The following LRRC7 variants were observed in gnomAD, a reference collection of about 807,000 sequenced individuals.
The protein encoded by LRRC7 is leucine rich repeat containing 7.
Under a neutral mutation model 175.7 loss-of-function variants are expected in LRRC7, and 23 were observed. The ratio of observed to expected loss-of-function variants is 0.13; its 90% CI spans 0.09 to 0.19. LRRC7 has a LOEUF of 0.19. Ranked by LOEUF, LRRC7 falls within the 10% of genes least tolerant of loss-of-function variation. The pLI, the probability that LRRC7 is intolerant of heterozygous loss-of-function variation, is 1.00. For missense variants in LRRC7, 1,354 were observed against 1,904.7 expected (o/e 0.71, Z 5.38); for synonymous variants, 685 against 680.9 (o/e 1.01, Z -0.09).
At chr1:70,075,731 T>C (rs1237809959) in intron 23 of LRRC7, among the ~76,000 whole-genome samples, 1 of 152,204 alleles carries the variant, frequency 6.6e-6, no homozygotes, top group Admixed American at 6.5e-5. Context: ...CTGGTATATT[T>C]CAAGATGAAA....
chr1:70,068,169 A>G (rs1026155127), intron 23 of LRRC7, among the ~76,000 whole-genome samples: 1 of 152,122 alleles, frequency 6.6e-6, no homozygotes, highest in East Asian at 1.9e-4. Flanking sequence ...GAGAGTGTAC[A>G]TTTACGTCTG....
chr1:69,605,013 G>A (rs889224592), intron 1 of LRRC7, among the ~76,000 whole-genome samples: 3 of 152,136 alleles, frequency 2.0e-5, no homozygotes, highest in Non-Finnish European at 4.4e-5. Context: ...GGCTGGATAG[G>A]CAGGTGTCTT....
At chr1:69,899,318 A>G (rs2101662992) in intron 7 of LRRC7, among the ~76,000 whole-genome samples, 1 of 152,342 alleles carries the variant, frequency 6.6e-6, no homozygotes, top group East Asian at 1.9e-4. Flanking sequence ...GGTTGTAACC[A>G]GACCAGCTAC....
At chr1:70,009,294 A>G (rs1489157052) in intron 11 of LRRC7, among the ~76,000 whole-genome samples, 1 of 151,260 alleles carries the variant, frequency 6.6e-6, no homozygotes, top group East Asian at 1.9e-4. Context: ...TAAAAAATTT[A>G]TTGAGTGCAT....
At chr1:70,119,735 T>G (rs976830586) in intron 26 of LRRC7, among the ~76,000 whole-genome samples, 1 of 152,022 alleles carries the variant, frequency 6.6e-6, no homozygotes, top group African/African-American at 2.4e-5. Context: ...CCTAGAAAAT[T>G]TTTTATTTCT....
chr1:69,969,828 A>T (rs184870134), intron 8 of LRRC7, among the ~76,000 whole-genome samples: 10 of 152,158 alleles, frequency 6.6e-5, no homozygotes, highest in African/African-American at 2.2e-4. Context: ...CAGAATGTAC[A>T]TTCTATTCAA....
At chr1:69,971,460 C>T (rs953881838) in intron 8 of LRRC7, among the ~76,000 whole-genome samples, 1 of 152,154 alleles carries the variant, frequency 6.6e-6, no homozygotes, top group South Asian at 2.1e-4. Flanking sequence ...AAATCAGTAG[C>T]TCTTCTATAC....
At chr1:69,710,380 A>C (rs1371498357) in intron 2 of LRRC7, among the ~76,000 whole-genome samples, 1 of 151,788 alleles carries the variant, frequency 6.6e-6, no homozygotes, top group Admixed American at 6.6e-5. Flanking sequence ...CAGAGTCTTC[A>C]CTACAGCTTC....
At chr1:69,875,916 G>T (rs1383528997) in intron 7 of LRRC7, among the ~76,000 whole-genome samples, 2 of 151,982 alleles carry the variant, frequency 1.3e-5, no homozygotes, top group Non-Finnish European at 2.9e-5. Flanking sequence ...TAAGAAGAAG[G>T]CAGTACAGTA....
rs1448852398 is a variant in LRRC7 at position 70,137,542 on chromosome 1, A to T, written c.*15655A>T. On this transcript the variant is annotated 3_prime_UTR_variant, in exon 27 of 27. Coordinates refer to ENST00000651989, the MANE Select transcript of LRRC7 (RefSeq NM_001370785.2). ...GAAAACATTAGTCTTTACTGTTAGC[A>T]AACACTCCACCACTGGGGGTTGCTT... Among the ~76,000 whole-genome samples the T allele has an allele frequency of 1.3e-5, 2 of 152,242 alleles. No homozygotes were observed. The highest frequency in any genetic ancestry group is 2.9e-5 in the Non-Finnish European group (2 of 68,042).
intron 3 of LRRC7, among the ~76,000 whole-genome samples, chr1:69,781,729 AAGAAAGAGAGAGAGAG>A (rs1217686936): frequency 6.1e-5 from 2 of 32,942 alleles, no homozygotes; most frequent in African/African-American, 3.7e-4. Flanking sequence ...GAAAGAAAGA[AAGAAAGAGAGAGAGAG>A]AGAGAGAGAG....
chr1:69,637,154 C>T (rs967646266), intron 1 of LRRC7, among the ~76,000 whole-genome samples: 4 of 151,404 alleles, frequency 2.6e-5, no homozygotes, highest in African/African-American at 9.7e-5. Flanking sequence ...AACTAAACAC[C>T]TAGATTCAGT....
intron 7 of LRRC7, among the ~76,000 whole-genome samples, chr1:69,915,283 C>T (rs1038066139): frequency 6.6e-6 from 1 of 152,132 alleles, no homozygotes; most frequent in African/African-American, 2.4e-5. Context: ...CCTAACAGGT[C>T]AGAGTTTCAA....
intron 2 of LRRC7, among the ~76,000 whole-genome samples, chr1:69,735,881 G>T (rs1268590024): frequency 6.7e-6 from 1 of 150,148 alleles, no homozygotes; most frequent in East Asian, 2.0e-4. Flanking sequence ...ACCTCTCTCT[G>T]CCTCTCTCCC....
chr1:69,838,000 G>A (rs762130752), intron 6 of LRRC7, among the ~76,000 whole-genome samples: 45 of 151,568 alleles, frequency 3.0e-4, no homozygotes, highest in Non-Finnish European at 5.9e-4. Flanking sequence ...TTTTAGTACA[G>A]ACATACAATG....
At chr1:70,094,784 G>A (rs1360077790) in intron 25 of LRRC7, among the ~76,000 whole-genome samples, 2 of 152,136 alleles carry the variant, frequency 1.3e-5, no homozygotes, top group African/African-American at 2.4e-5. Flanking sequence ...GTTCAAAAAT[G>A]CACAAGAATA....
chr1:70,134,990 AG>A lies in LRRC7; in HGVS notation c.*13104del, dbSNP rs1666807746. 6.6e-6 allele frequency among the ~76,000 whole-genome samples: 1 copy of A among 152,190 alleles called. No homozygotes were observed. Among genetic ancestry groups the A allele is most frequent in the African/African-American group, 2.4e-5 (1 of 41,442 alleles). ...TCCATAACCTTTTAATGATAGGTTT[AG>A]TTGTAAAATCCAGAACTATTTAAAT... On this transcript the variant is annotated 3_prime_UTR_variant, in exon 27 of 27. Transcript: ENST00000651989.
intron 7 of LRRC7, among the ~76,000 whole-genome samples, chr1:69,884,652 G>T (rs1345472834): frequency 5.7e-5 from 8 of 139,276 alleles, no homozygotes; most frequent in Non-Finnish European, 9.2e-5. Context: ...CCAACACTAT[G>T]TTGAATAGGA....
intron 25 of LRRC7, among the ~76,000 whole-genome samples, chr1:70,106,616 A>T (rs1665162788): frequency 1.3e-5 from 2 of 152,334 alleles, no homozygotes; most frequent in African/African-American, 4.8e-5. Flanking sequence ...ACCTGAAATT[A>T]GTAAGAAGGT....
Sources: allele counts gnomAD v4.1 joint callset (sites outside exome capture counted in the v4.1 genomes callset), GRCh38; gene constraint gnomAD v4.1.1; transcripts MANE v1.5; gene names NCBI Gene and HGNC (gene_info 2026-07-23, HGNC 2026-07-21).